The following CYRIB variants were observed in gnomAD, a reference collection of about 807,000 sequenced individuals.
CYRIB encodes the protein CYFIP-related Rac1 interactor B.
In CYRIB, 8 loss-of-function variants were observed where a neutral mutation model predicts 44.2. The observed-to-expected ratio is 0.18, with a 90% CI of 0.11 to 0.33. CYRIB has a LOEUF of 0.33. CYRIB is among the 10% of genes least tolerant of loss of function. The pLI, the probability that CYRIB is intolerant of heterozygous loss-of-function variation, is 1.00. For missense variants in CYRIB, 185 were observed against 382.8 expected, an observed-to-expected ratio of 0.48 and a Z score of 4.31; for synonymous variants, 131 against 127.2, an observed-to-expected ratio of 1.03 and a Z score of -0.20.
At chr8:130,016,059 C>G (rs2134786649) in intron 1 of CYRIB, among the ~76,000 whole-genome samples, 1 of 151,490 alleles carries the variant, frequency 6.6e-6, no homozygotes, top group East Asian at 1.9e-4. Context: ...AAGGCGCCGG[C>G]TCCGCAGCTG....
intron 1 of CYRIB, among the ~76,000 whole-genome samples, chr8:129,933,666 T>G (rs1354718439): frequency 6.6e-6 from 1 of 151,892 alleles, no homozygotes; most frequent in Non-Finnish European, 1.5e-5. Context: ...TCACTTGAGG[T>G]CAGAAGTTCT....
At chr8:129,931,299 T>C (rs547684183) in intron 1 of CYRIB, among the ~76,000 whole-genome samples, 1 of 152,196 alleles carries the variant, frequency 6.6e-6, no homozygotes, top group Non-Finnish European at 1.5e-5. Flanking sequence ...TTGTTGGAAT[T>C]TGCCAGAATT....
At chr8:129,908,287 G>A (rs767744962) in intron 1 of CYRIB, among the ~76,000 whole-genome samples, 5 of 151,668 alleles carry the variant, frequency 3.3e-5, no homozygotes, top group Middle Eastern at 3.4e-3. Flanking sequence ...ATCACATGAA[G>A]ACAACAGAAA....
intron 1 of CYRIB, among the ~76,000 whole-genome samples, chr8:129,920,714 C>T (rs2083108744): frequency 6.6e-6 from 1 of 152,122 alleles, no homozygotes; most frequent in African/African-American, 2.4e-5. Flanking sequence ...TTACCTTCTG[C>T]TACCCTACTC....
chr8:129,840,022 G>T (rs2035589774), exon 12 of CYRIB: 1 of 153,054 alleles, frequency 6.5e-6, no homozygotes, highest in South Asian at 2.1e-4. Context: ...CCGGTATCCA[G>T]ATACTACGGC....
chr8:130,013,227 C>T (rs2134601432), intron 1 of CYRIB, among the ~76,000 whole-genome samples: 1 of 152,318 alleles, frequency 6.6e-6, no homozygotes, highest in South Asian at 2.1e-4. Context: ...TTTGCTTATG[C>T]TACTGCCAGG....
intron 1 of CYRIB, among the ~76,000 whole-genome samples, chr8:130,015,621 C>G (rs776128724): frequency 5.9e-5 from 9 of 152,180 alleles, no homozygotes; most frequent in Non-Finnish European, 8.8e-5. Context: ...ATGGTAAGAC[C>G]TCGATTCCTC....
chr8:130,000,588 A>G (rs1454932180), intron 1 of CYRIB, among the ~76,000 whole-genome samples: 1 of 152,166 alleles, frequency 6.6e-6, no homozygotes, highest in Non-Finnish European at 1.5e-5. Context: ...AGCTACTCAG[A>G]GGCTGAGGCA....
chr8:129,943,114 A>C (rs950987877), upstream of CYRIB, among the ~76,000 whole-genome samples: 4 of 87,090 alleles, frequency 4.6e-5, no homozygotes, highest in East Asian at 1.1e-3. Context: ...TGTCCTAGGC[A>C]TCAGGCTGAG....
intron 5 of CYRIB, among the ~76,000 whole-genome samples, chr8:129,860,285 G>A (rs1314084123): frequency 1.3e-5 from 2 of 152,164 alleles, no homozygotes; most frequent in South Asian, 2.1e-4. Flanking sequence ...TATGCTAAAA[G>A]ACCAAGATGA....
At chr8:129,930,686 T>G (rs1006057798) in intron 1 of CYRIB, among the ~76,000 whole-genome samples, 7 of 152,104 alleles carry the variant, frequency 4.6e-5, no homozygotes, top group Non-Finnish European at 1.0e-4. Flanking sequence ...GACTACTGCT[T>G]CAACATACTG....
intron 1 of CYRIB, among the ~76,000 whole-genome samples, chr8:129,911,077 T>C (rs2077762713): frequency 6.6e-6 from 1 of 152,218 alleles, no homozygotes; most frequent in Non-Finnish European, 1.5e-5. Context: ...AACTATCAAA[T>C]CTGAACTTCC....
chr8:129,855,644 A>G, exon 6 of CYRIB: 1 of 1,614,112 alleles, frequency 6.2e-7, no homozygotes, highest in East Asian at 2.2e-5. Flanking sequence ...TGAAATGAAG[A>G]ATTTCTGCAA....
At chr8:129,875,221 T>C (rs953953276) in intron 3 of CYRIB, among the ~76,000 whole-genome samples, 4 of 151,326 alleles carry the variant, frequency 2.6e-5, no homozygotes, top group Non-Finnish European at 2.9e-5. Flanking sequence ...TGTTATAAAA[T>C]AGGAAATTCC....
chr8:129,969,807 T>G (rs548752949), intron 2 of CYRIB, among the ~76,000 whole-genome samples: 2 of 152,198 alleles, frequency 1.3e-5, no homozygotes, highest in African/African-American at 4.8e-5. Context: ...TAAAAAGCCA[T>G]GAGAACAAAT....
At chr8:129,998,829 A>G (rs112307249) in intron 1 of CYRIB, among the ~76,000 whole-genome samples, 9,092 of 152,182 alleles carry the variant, frequency 0.06, 319 homozygotes, top group Non-Finnish European at 0.077. Flanking sequence ...ACGGGGTTTC[A>G]CCATGTTGGC....
At chr8:129,929,514 A>G (rs1305843218) in intron 1 of CYRIB, among the ~76,000 whole-genome samples, 1 of 152,246 alleles carries the variant, frequency 6.6e-6, no homozygotes, top group Non-Finnish European at 1.5e-5. Context: ...TATAGTGTAT[A>G]AAGTATACCT....
rs189820807 is a variant in CYRIB at position 129,913,499 on chromosome 8, T to C, written c.-49-10149A>G. Among the ~76,000 whole-genome samples, 564 of 152,346 alleles carry C rather than the reference T, an allele frequency of 3.7e-3. 4 individuals carry two copies. The highest frequency in any genetic ancestry group is 0.013 in the African/African-American group (546 of 41,584). ...ACATTCTTCAATGACAAGCCATTGC[T>C]AGAGTATTTTCCAGCCACTATGATC... On this transcript the variant is annotated intron_variant, in intron 1 of 11. Coordinates refer to ENST00000519824, the Ensembl canonical transcript of CYRIB.
rs182129131 is a variant in CYRIB at position 129,909,176 on chromosome 8, T to A, written c.-49-5826A>T. Reference sequence around the variant, plus strand: ...TCTAATTATCTCTAAAGTTTTTTTTTAATTACCTCCAGGAAAAAGTAAATT... The same window carrying A: ...TCTAATTATCTCTAAAGTTTTTTTTAAATTACCTCCAGGAAAAAGTAAATT... On this transcript the variant is annotated intron_variant, in intron 1 of 11. Transcript: ENST00000519824. Among the ~76,000 whole-genome samples the A allele has an allele frequency of 8.5e-4, 129 of 152,292 alleles. 1 individual carries two copies. The East Asian group carries it at 0.019, about 23-fold the overall frequency.
Sources: allele counts gnomAD v4.1 joint callset (sites outside exome capture counted in the v4.1 genomes callset), GRCh38; gene constraint gnomAD v4.1.1; transcripts MANE v1.5; gene names NCBI Gene and HGNC (gene_info 2026-07-23, HGNC 2026-07-21).